Variants in PHACTR4 observed in about 807,000 individuals in gnomAD.
The protein encoded by PHACTR4 is protein phosphatase 1, regulatory subunit 124.
A neutral mutation model predicts 72.7 loss-of-function variants in PHACTR4; 51 were observed. The observed-to-expected ratio is 0.70, with a 90% CI of 0.56 to 0.89. The LOEUF (loss-of-function observed/expected upper bound fraction) is 0.89. Among genes scored for constraint, PHACTR4 ranks in the 40% least tolerant of loss-of-function variants. The pLI is 0.00. For missense variants in PHACTR4, 731 were observed against 861.8 expected, an observed-to-expected ratio of 0.85 and a Z score of 1.90; for synonymous variants, 255 against 302.5, an observed-to-expected ratio of 0.84 and a Z score of 1.63.
intron 1 of PHACTR4, among the ~76,000 whole-genome samples, chr1:28,384,628 C>T (rs1355866211): frequency 6.6e-6 from 1 of 152,184 alleles, no homozygotes; most frequent in Non-Finnish European, 1.5e-5. Context: ...GGCGCAAGGG[C>T]TCATGCTTGT....
At chr1:28,474,358 G>T (rs182336594) in intron 7 of PHACTR4, among the ~76,000 whole-genome samples, 1 of 151,654 alleles carries the variant, frequency 6.6e-6, no homozygotes, top group Admixed American at 6.6e-5. Flanking sequence ...ACCCTGTCTC[G>T]ATGAAAATAA....
intron 2 of PHACTR4, among the ~76,000 whole-genome samples, chr1:28,448,710 C>T (rs1389373827): frequency 1.7e-5 from 2 of 117,198 alleles, no homozygotes; most frequent in African/African-American, 3.6e-5. Flanking sequence ...TGCAGTGAGC[C>T]GAGATCGTGC....
intron 2 of PHACTR4, chr1:28,438,241 C>T: frequency 7.1e-7 from 1 of 1,408,316 alleles, no homozygotes. Context: ...AGCAGATGAA[C>T]TGACCTTATG....
intron 1 of PHACTR4, among the ~76,000 whole-genome samples, chr1:28,374,794 A>G (rs932749775): frequency 6.6e-6 from 1 of 152,326 alleles, no homozygotes; most frequent in South Asian, 2.1e-4. Context: ...AAGGAGTCTG[A>G]CAGTAAATAA....
chr1:28,431,141 T>G (rs1225674630), intron 2 of PHACTR4, among the ~76,000 whole-genome samples: 1 of 145,776 alleles, frequency 6.9e-6, no homozygotes. Flanking sequence ...ATCGCGCCAC[T>G]GCACTCCAGC....
intron 2 of PHACTR4, among the ~76,000 whole-genome samples, chr1:28,444,644 C>T (rs897818417): frequency 2.0e-5 from 3 of 150,876 alleles, no homozygotes; most frequent in African/African-American, 7.3e-5. Context: ...GAGACAGAGT[C>T]TCGCTGTGTT....
chr1:28,409,331 T>C (rs781597016), intron 2 of PHACTR4, among the ~76,000 whole-genome samples: 8 of 152,074 alleles, frequency 5.3e-5, no homozygotes, highest in Non-Finnish European at 1.0e-4. Context: ...TAATTATGCA[T>C]ATTTCCCACG....
intron 6 of PHACTR4, among the ~76,000 whole-genome samples, chr1:28,471,017 C>A (rs568508781): frequency 8.9e-5 from 13 of 146,700 alleles, no homozygotes; most frequent in Non-Finnish European, 1.6e-4. Flanking sequence ...CAGAGGGAGA[C>A]CTTGTCTCAA....
intron 1 of PHACTR4, among the ~76,000 whole-genome samples, chr1:28,394,797 T>C (rs575135808): frequency 7.9e-5 from 12 of 152,148 alleles, no homozygotes; most frequent in Non-Finnish European, 1.8e-4. Context: ...GGTTTCTCCA[T>C]GTTGGTCAGG....
At chr1:28,489,650 C>G in intron 10 of PHACTR4, 1 of 388,104 alleles carries the variant, frequency 2.6e-6, no homozygotes, top group Non-Finnish European at 5.1e-6. Context: ...TGGTTTAATC[C>G]CTTAAGACTT....
At chr1:28,486,983 C>G (rs1557849065) in intron 9 of PHACTR4, among the ~76,000 whole-genome samples, 1 of 151,974 alleles carries the variant, frequency 6.6e-6, no homozygotes, top group Non-Finnish European at 1.5e-5. Context: ...GGCAATATGG[C>G]AAAACTCCAT....
At chr1:28,395,798 T>TA (rs1183918527) in intron 1 of PHACTR4, among the ~76,000 whole-genome samples, 1 of 143,068 alleles carries the variant, frequency 7.0e-6, no homozygotes, top group Non-Finnish European at 1.5e-5. Context: ...CAGCTACTGT[T>TA]ACAATTACAC....
intron 2 of PHACTR4, among the ~76,000 whole-genome samples, chr1:28,443,303 T>A (rs35506828): frequency 1.3e-5 from 2 of 151,522 alleles, no homozygotes; most frequent in African/African-American, 2.4e-5. Flanking sequence ...TCTTTCGTTC[T>A]TTCGTCTCAA....
chr1:28,392,136 A>G (rs1389623284), intron 1 of PHACTR4, among the ~76,000 whole-genome samples: 1 of 152,150 alleles, frequency 6.6e-6, no homozygotes, highest in African/African-American at 2.4e-5. Context: ...TTCCAGCAAC[A>G]AACAATTCAT....
chr1:28,395,414 A>G (rs1057443642), intron 1 of PHACTR4, among the ~76,000 whole-genome samples: 2 of 152,068 alleles, frequency 1.3e-5, no homozygotes, highest in African/African-American at 4.8e-5. Context: ...ATTTTCTGGG[A>G]TAATTTGGAT....
At chr1:28,378,899 T>G (rs1205043120) in intron 1 of PHACTR4, among the ~76,000 whole-genome samples, 1 of 152,146 alleles carries the variant, frequency 6.6e-6, no homozygotes, top group Non-Finnish European at 1.5e-5. Context: ...ACCAGTTGAT[T>G]ACTGTTATTA....
At chr1:28,386,197 A>G (rs1021359968) in intron 1 of PHACTR4, among the ~76,000 whole-genome samples, 10 of 151,142 alleles carry the variant, frequency 6.6e-5, no homozygotes, top group Non-Finnish European at 1.2e-4. Flanking sequence ...AGATTCAAAC[A>G]ATTCTCCTGC....
chr1:28,484,246 A>C lies in PHACTR4; in HGVS notation c.1760+3642A>C, dbSNP rs566910422. Among the ~76,000 whole-genome samples, 362 of 152,188 alleles carry C rather than the reference A, an allele frequency of 2.4e-3. 2 individuals are homozygous for C. The highest frequency in any genetic ancestry group is 8.3e-3 in the African/African-American group (345 of 41,528). Reference sequence around the variant, plus strand: ...TGAGGCAAGAGAATCACTTGAACCCAGGAGGCAGAGGTTTCAGTGAGCTGA... The same window carrying C: ...TGAGGCAAGAGAATCACTTGAACCCCGGAGGCAGAGGTTTCAGTGAGCTGA... On this transcript the variant is annotated intron_variant, in intron 9 of 13. Transcript: ENST00000373839.
chr1:28,486,955 G>A (rs1014300960), intron 9 of PHACTR4, among the ~76,000 whole-genome samples: 1 of 151,908 alleles, frequency 6.6e-6, no homozygotes, highest in Non-Finnish European at 1.5e-5. Context: ...TTGAGCCCAG[G>A]AATTTGAGAC....
Sources: allele counts gnomAD v4.1 joint callset (sites outside exome capture counted in the v4.1 genomes callset), GRCh38; gene constraint gnomAD v4.1.1; transcripts MANE v1.5; gene names NCBI Gene and HGNC (gene_info 2026-07-23, HGNC 2026-07-21).